Variants in ECE1 observed in about 807,000 individuals in gnomAD.
ECE1 encodes the protein endothelin-converting enzyme 1.
Under a neutral mutation model 98.6 loss-of-function variants are expected in ECE1, and 35 were observed. The observed-to-expected ratio is 0.35, with a 90% CI of 0.27 to 0.47. The LOEUF is 0.47. ECE1 is among the 20% of genes least tolerant of loss of function. The pLI, the probability that ECE1 is intolerant of heterozygous loss-of-function variation, is 1.00. For missense variants in ECE1, 814 were observed against 1,025.3 expected, an observed-to-expected ratio of 0.79 and a Z score of 2.81; for synonymous variants, 394 against 407.1, an observed-to-expected ratio of 0.97 and a Z score of 0.39.
chr1:21,231,355 A>G (rs571295569), intron 14 of ECE1, among the ~76,000 whole-genome samples: 284 of 152,090 alleles, frequency 1.9e-3, no homozygotes, highest in African/African-American at 6.6e-3. Context: ...AACTTTATTT[A>G]TTTTGAGATG....
At chr1:21,318,895 T>C (rs916834647) in intron 1 of ECE1, among the ~76,000 whole-genome samples, 1 of 152,158 alleles carries the variant, frequency 6.6e-6, no homozygotes, top group Non-Finnish European at 1.5e-5. Flanking sequence ...AAAGTCAGCA[T>C]GGGAAATGTG....
intron 2 of ECE1, among the ~76,000 whole-genome samples, chr1:21,286,057 A>G (rs575487690): frequency 2.0e-5 from 3 of 152,112 alleles, no homozygotes; most frequent in Non-Finnish European, 2.9e-5. Flanking sequence ...TGAGAAAACT[A>G]TAACTAAGAA....
rs55740140 is a variant in ECE1, at chr1:21,286,463, A to G, written c.138+3607T>C. Among the ~76,000 whole-genome samples, 387 of 152,322 alleles carry G rather than the reference A, an allele frequency of 2.5e-3. 1 individual carries two copies. Among genetic ancestry groups the G allele is most frequent in the African/African-American group, 9.1e-3 (378 of 41,548 alleles). The stretch of plus-strand genomic sequence containing the variant: ...CAGCTCTGAGAGGTGGGCTAATAAT[A>G]TTAACCCCATTTTACAAAGAAAGCT... On this transcript the variant is annotated intron_variant, in intron 2 of 18. Transcript: ENST00000374893.
At chr1:21,282,510 A>G (rs1331431598) in intron 2 of ECE1, among the ~76,000 whole-genome samples, 9 of 149,586 alleles carry the variant, frequency 6.0e-5, no homozygotes, top group Admixed American at 6.0e-4. Context: ...ATCACTTGAA[A>G]CTGGGAGCTG....
intron 1 of ECE1, among the ~76,000 whole-genome samples, chr1:21,309,407 G>A (rs1638668157): frequency 6.6e-6 from 1 of 152,228 alleles, no homozygotes; most frequent in African/African-American, 2.4e-5. Context: ...GTCCCACCAA[G>A]TTGTTGGGAG....
chr1:21,220,012 G>A lies in ECE1; in HGVS notation c.2256C>T (p.His752=). ...TGGGTGAGCCAGGTGGGCAGCGGAAGTGTTCTGAGAACTCCTTGGAATTGG... is the reference window on the plus strand; with the variant it reads ...TGGGTGAGCCAGGTGGGCAGCGGAAATGTTCTGAGAACTCCTTGGAATTGG... ...SLSNSKEFSE[H]FRCPPGSPMN... is the part of the protein sequence containing the mutation. The change falls in exon 19 of 19, where the codon CAC becomes CAT. Residue 752 remains histidine (H), a synonymous_variant. Coordinates refer to ENST00000374893, the MANE Select transcript of ECE1 (RefSeq NM_001397.3). The surrounding 1 kb of genome is among the most constrained non-coding windows in gnomAD (Gnocchi z 5.0). The A allele has an allele frequency of 6.2e-7, 1 of 1,614,230 alleles. No homozygotes were observed. Among genetic ancestry groups the A allele is most frequent in the Non-Finnish European group, 8.5e-7 (1 of 1,180,044 alleles).
chr1:21,243,702 G>C (rs748295323), intron 10 of ECE1, among the ~76,000 whole-genome samples: 5 of 152,262 alleles, frequency 3.3e-5, no homozygotes, highest in Admixed American at 6.5e-5. Context: ...GGGAGGCCAA[G>C]TTCTGCAGGG....
intron 1 of ECE1, among the ~76,000 whole-genome samples, chr1:21,311,531 T>C (rs984034975): frequency 2.3e-5 from 2 of 88,178 alleles, no homozygotes; most frequent in Admixed American, 1.0e-4. Flanking sequence ...AAAAAAAAAA[T>C]TAGCCTGGTG....
Position 21,219,808 on chromosome 1 carries a change from A to T in ECE1, c.*147T>A. ...GCGGGTCACGTTGAGAGCCAACACC[A>T]TGGGCTCGGTTCCGGCTGAAAACCC... On this transcript the variant is annotated 3_prime_UTR_variant, in exon 19 of 19. Coordinates refer to ENST00000374893, the MANE Select transcript of ECE1 (RefSeq NM_001397.3). This position sits in a 1 kb window ranked among gnomAD's most constrained non-coding sequence, Gnocchi z 4.5. 1 of 1,025,846 alleles carries T rather than the reference A, an allele frequency of 9.7e-7. No individual in the cohort carries two copies. Among genetic ancestry groups the T allele is most frequent in the Non-Finnish European group, 1.5e-6 (1 of 685,608 alleles). The allele number at this position is 1,025,846 out of a possible 1,614,324, so 63.5% of individuals were successfully genotyped here.
chr1:21,228,168 G>A, intron 14 of ECE1, 127 bp from the exon 15 acceptor site: 1 of 662,432 alleles, frequency 1.5e-6, no homozygotes, highest in Non-Finnish European at 2.6e-6. Context: ...TTGACCCCAG[G>A]CCCAAGTGCA....
chr1:21,292,310 A>ACCCCCCCCC (rs1558418622), upstream of ECE1, among the ~76,000 whole-genome samples: 1 of 149,138 alleles, frequency 6.7e-6, no homozygotes, highest in African/African-American at 2.5e-5. Flanking sequence ...CCCCTCCCCC[A>ACCCCCCCCC]CCAACCTCCT....
rs1419226837 is a variant in ECE1, at chr1:21,345,103, G to A, written c.3+273C>T. 5 of 247,628 alleles carry A rather than the reference G, an allele frequency of 2.0e-5. No homozygotes were observed. Among genetic ancestry groups the A allele is most frequent in the Middle Eastern group, 1.3e-3 (1 of 760 alleles). The allele number at this position is 247,628 out of a possible 1,614,324, so 15.3% of individuals were successfully genotyped here. ...GCAGCAACCGTCCCCAAAGCGAACCGGGGACCCCGAGCCCCCCACATCCGG... is the reference window on the plus strand; with the variant it reads ...GCAGCAACCGTCCCCAAAGCGAACCAGGGACCCCGAGCCCCCCACATCCGG... On this transcript the variant is annotated intron_variant, in intron 1 of 18. Transcript: ENST00000415912. This position sits in a 1 kb window ranked among gnomAD's most constrained non-coding sequence, Gnocchi z 5.1.
intron 10 of ECE1, chr1:21,238,451 GCT>G: frequency 1.6e-6 from 1 of 626,582 alleles, no homozygotes; most frequent in Non-Finnish European, 2.9e-6. Context: ...TGAATGCCAG[GCT>G]CTGTGCTGGG....
chr1:21,241,014 A>G (rs964158264), intron 10 of ECE1, among the ~76,000 whole-genome samples: 10 of 152,220 alleles, frequency 6.6e-5, no homozygotes, highest in African/African-American at 2.2e-4. Flanking sequence ...CCTGGGTCTC[A>G]ACTGAAATGC....
In ECE1 at chr1:21,345,331, C is replaced by A; in HGVS notation, c.3+45G>T. ...CCGCGGCACCGCTGCCCGCGACCGTCGAGGCTGGGCTGGACCGGACCAGAC... is the reference window on the plus strand; with the variant it reads ...CCGCGGCACCGCTGCCCGCGACCGTAGAGGCTGGGCTGGACCGGACCAGAC... On this transcript the variant is annotated intron_variant, in intron 1 of 18. Coordinates refer to the ECE1 transcript ENST00000415912. The surrounding 1 kb of genome is among the most constrained non-coding windows in gnomAD (Gnocchi z 5.1). The A allele has an allele frequency of 1.5e-6, 2 of 1,351,148 alleles. No individual in the cohort carries two copies. Among genetic ancestry groups the A allele is most frequent in the East Asian group, 3.4e-5 (1 of 29,742 alleles). 83.7% of individuals were successfully genotyped at this position (1,351,148 alleles called of 1,614,324 possible).
At chr1:21,279,490 C>A in intron 2 of ECE1, 158 bp from the exon 3 acceptor site, 1 of 1,498,768 alleles carries the variant, frequency 6.7e-7, no homozygotes, top group South Asian at 1.3e-5. Context: ...AGCCCTAATC[C>A]AGGAAAGGAA....
chr1:21,282,838 G>T (rs1036928314), intron 2 of ECE1, among the ~76,000 whole-genome samples: 6 of 151,466 alleles, frequency 4.0e-5, no homozygotes, highest in Non-Finnish European at 8.8e-5. Context: ...GGATAGGAAA[G>T]GGAAAAAAGA....
intron 1 of ECE1, among the ~76,000 whole-genome samples, chr1:21,344,238 C>T (rs868504268): frequency 6.6e-6 from 1 of 152,174 alleles, no homozygotes; most frequent in African/African-American, 2.4e-5. Context: ...CACTGTGGGA[C>T]TCTTCGGCTT....
Position 21,307,776 on chromosome 1 carries a change from G to A in ECE1, c.4-17620C>T, listed in dbSNP as rs1286096999. Among the ~76,000 whole-genome samples the A allele has an allele frequency of 6.6e-6, 1 of 152,182 alleles. No homozygotes were observed. The highest frequency in any genetic ancestry group is 2.4e-5 in the African/African-American group (1 of 41,448). Reference sequence around the variant, plus strand: ...GCACTGGGCTCCAGACAGAAAATGGGAAGGGACAGATAAGCCTCTATGAAA... The same window carrying A: ...GCACTGGGCTCCAGACAGAAAATGGAAAGGGACAGATAAGCCTCTATGAAA... On this transcript the variant is annotated intron_variant, in intron 1 of 18. Coordinates refer to the ECE1 transcript ENST00000415912. The surrounding 1 kb of genome is among the most constrained non-coding windows in gnomAD (Gnocchi z 4.2).
Sources: gnomAD v4.1 joint callset for allele counts (sites outside exome capture counted in the v4.1 genomes callset) on GRCh38, gnomAD v4.1.1 for gene constraint, Gnocchi (gnomAD v3.1) non-coding constraint, MANE v1.5 for transcripts, NCBI Gene and HGNC (gene_info 2026-07-23, HGNC 2026-07-21) for gene names.